Variants in PDE1A observed in about 807,000 individuals in gnomAD.
The protein encoded by PDE1A is phosphodiesterase 1A.
Under a neutral mutation model 61.7 loss-of-function variants are expected in PDE1A, and 35 were observed. The ratio of observed to expected loss-of-function variants is 0.57; its 90% CI spans 0.43 to 0.75. The LOEUF (loss-of-function observed/expected upper bound fraction) is 0.75, where lower values mean the gene tolerates loss of function less well. Among genes scored for constraint, PDE1A ranks in the 30% least tolerant of loss-of-function variants. The pLI, the probability that PDE1A is intolerant of heterozygous loss-of-function variation, is 0.00. For synonymous variants in PDE1A, 232 were observed against 213.2 expected (o/e 1.09, Z -0.77); for missense variants, 597 against 630.6 (o/e 0.95, Z 0.57).
intron 2 of PDE1A, among the ~76,000 whole-genome samples, chr2:182,435,435 C>A (rs1469784157): frequency 6.6e-6 from 1 of 151,982 alleles, no homozygotes; most frequent in South Asian, 2.1e-4. Context: ...GCCCTAAGTA[C>A]CATGCAATAA....
intron 2 of PDE1A, among the ~76,000 whole-genome samples, chr2:182,466,150 A>C (rs2125786489): frequency 6.6e-6 from 1 of 151,874 alleles, no homozygotes; most frequent in East Asian, 1.9e-4. Flanking sequence ...TCTTTGTCTC[A>C]CAACCCCTGA....
chr2:182,393,265 A>G (rs1253940806), intron 1 of PDE1A, among the ~76,000 whole-genome samples: 1 of 151,976 alleles, frequency 6.6e-6, no homozygotes, highest in Non-Finnish European at 1.5e-5. Context: ...TGGGGCTTGC[A>G]CCCTCTGAAG....
the PDE1A span, among the ~76,000 whole-genome samples, chr2:182,655,060 C>T: frequency 6.6e-6 from 1 of 152,158 alleles, no homozygotes; most frequent in African/African-American, 2.4e-5. Flanking sequence ...AGATGCCAAT[C>T]CCCAACTCTC....
intron 10 of PDE1A, among the ~76,000 whole-genome samples, chr2:182,198,651 T>A (rs1052010312): frequency 3.3e-5 from 5 of 151,836 alleles, no homozygotes; most frequent in Non-Finnish European, 7.4e-5. Context: ...AATTTTTTAA[T>A]ATTAAACTGA....
At chr2:182,685,567 A>C in the PDE1A span, among the ~76,000 whole-genome samples, 3 of 152,180 alleles carry the variant, frequency 2.0e-5, no homozygotes, top group Non-Finnish European at 4.4e-5. Context: ...TCATCTACAA[A>C]TTGTGAACAA....
At chr2:182,700,305 C>G in the PDE1A span, among the ~76,000 whole-genome samples, 1 of 152,162 alleles carries the variant, frequency 6.6e-6, no homozygotes, top group South Asian at 2.1e-4. Context: ...GGCGCGGTGG[C>G]TCACGCCTAT....
At chr2:182,226,387 C>A (rs1559218712) in intron 6 of PDE1A, among the ~76,000 whole-genome samples, 1 of 149,610 alleles carries the variant, frequency 6.7e-6, no homozygotes, top group Non-Finnish European at 1.5e-5. Flanking sequence ...CCACAAATCC[C>A]CCTTACTTAT....
chr2:182,230,056 C>G, exon 6 of PDE1A: 1 of 1,612,666 alleles, frequency 6.2e-7, no homozygotes, highest in Non-Finnish European at 8.5e-7. Context: ...GTGACATCAG[C>G]TGCATGAATC....
the PDE1A span, among the ~76,000 whole-genome samples, chr2:182,530,260 G>A: frequency 2.6e-5 from 4 of 152,200 alleles, no homozygotes; most frequent in Non-Finnish European, 5.9e-5. Flanking sequence ...AAACTGTATA[G>A]TTGCCCCAGA....
Position 182,342,544 on chromosome 2 carries a change from G to A in PDE1A, c.54-78130C>T, listed in dbSNP as rs569656289. On this transcript the variant is annotated intron_variant, in intron 1 of 13. Coordinates refer to ENST00000351439, the Ensembl canonical transcript of PDE1A. ...TAAAAATACAAAAAATTAGACTGGC[G>A]TGGTAACACGTGCCTGTAGTCCTAG... Among the ~76,000 whole-genome samples, 191 of 152,260 alleles carry A rather than the reference G, an allele frequency of 1.3e-3. 1 individual carries two copies. The highest frequency in any genetic ancestry group is 4.3e-3 in the African/African-American group (177 of 41,560).
chr2:182,268,075 G>C (rs957131670), intron 1 of PDE1A, among the ~76,000 whole-genome samples: 6 of 151,896 alleles, frequency 4.0e-5, no homozygotes, highest in African/African-American at 1.5e-4. Flanking sequence ...CATCAATCAG[G>C]GTGGACAAGC....
chr2:182,307,098 T>C (rs778373770), intron 1 of PDE1A, among the ~76,000 whole-genome samples: 9 of 152,076 alleles, frequency 5.9e-5, no homozygotes, highest in Non-Finnish European at 1.2e-4. Context: ...AACAACTCAA[T>C]AGCAAGAAAA....
In PDE1A at chr2:182,180,390, A is replaced by G. The variant is rs563510195; in HGVS notation, c.1516+5502T>C. Among the ~76,000 whole-genome samples, 9 of 152,258 alleles carry G rather than the reference A, an allele frequency of 5.9e-5. No homozygotes were observed. The East Asian group carries it at 1.5e-3, about 26-fold the overall frequency. ...AAATTCTTATCTTTAAGAATGTTGA[A>G]TATTGAATATTGTATATTGCCCTCA... On this transcript the variant is annotated intron_variant, in intron 13 of 13. Coordinates refer to ENST00000351439, the Ensembl canonical transcript of PDE1A.
intron 1 of PDE1A, among the ~76,000 whole-genome samples, chr2:182,365,550 C>G (rs951821996): frequency 6.6e-6 from 1 of 151,948 alleles, no homozygotes; most frequent in African/African-American, 2.4e-5. Context: ...ATGCCTATCC[C>G]CAAGTTAATT....
At chr2:182,361,486 T>C (rs1699505072) in intron 1 of PDE1A, among the ~76,000 whole-genome samples, 1 of 152,114 alleles carries the variant, frequency 6.6e-6, no homozygotes, top group Non-Finnish European at 1.5e-5. Context: ...ATAGGTTTTA[T>C]TCAAATTTAT....
At chr2:182,526,142 T>C (rs772611999), upstream of PDE1A, among the ~76,000 whole-genome samples, 13 of 152,188 alleles carry the variant, frequency 8.5e-5, no homozygotes, top group Non-Finnish European at 1.6e-4. Flanking sequence ...AAGTACATTA[T>C]GTTTTCACTG....
At chr2:182,359,424 T>C (rs1699377565) in intron 1 of PDE1A, among the ~76,000 whole-genome samples, 1 of 152,186 alleles carries the variant, frequency 6.6e-6, no homozygotes, top group African/African-American at 2.4e-5. Context: ...AAACTGCTTT[T>C]AGAGAGGACA....
intron 7 of PDE1A, among the ~76,000 whole-genome samples, chr2:182,212,765 T>C (rs1687751565): frequency 6.6e-6 from 1 of 152,234 alleles, no homozygotes; most frequent in Non-Finnish European, 1.5e-5. Flanking sequence ...CGGAGGGTCC[T>C]ATGCCCACAG....
intron 1 of PDE1A, among the ~76,000 whole-genome samples, chr2:182,382,070 A>G (rs141224022): frequency 1.3e-5 from 2 of 152,236 alleles, no homozygotes; most frequent in East Asian, 3.9e-4. Flanking sequence ...GACTTCTAGG[A>G]ATGACCCCCC....
Sources: allele counts gnomAD v4.1 joint callset (sites outside exome capture counted in the v4.1 genomes callset), GRCh38; gene constraint gnomAD v4.1.1; transcripts MANE v1.5; gene names NCBI Gene and HGNC (gene_info 2026-07-23, HGNC 2026-07-21).